Variants in GLG1 observed in about 807,000 individuals in gnomAD.
GLG1 encodes the protein Golgi apparatus protein 1.
GLG1 carries 38 observed loss-of-function variants against 160.5 expected under a neutral mutation model. That is an observed-to-expected ratio of 0.24 (90% confidence interval 0.18 to 0.31). GLG1 has a LOEUF of 0.31. Ranked by LOEUF, GLG1 falls within the 10% of genes least tolerant of loss-of-function variation. The pLI is 1.00. For missense variants in GLG1, 1,373 were observed against 1,505.2 expected (o/e 0.91, Z 1.45); for synonymous variants, 644 against 543.4 (o/e 1.19, Z -2.57).
At chr16:74,499,535 G>A (rs2143434627) in intron 4 of GLG1, among the ~76,000 whole-genome samples, 1 of 152,268 alleles carries the variant, frequency 6.6e-6, no homozygotes, top group East Asian at 1.9e-4. Flanking sequence ...TTGTAGCCTA[G>A]GAGCAATAGG....
intron 25 of GLG1, among the ~76,000 whole-genome samples, chr16:74,456,138 G>A (rs1427946329): frequency 3.3e-5 from 5 of 152,124 alleles, no homozygotes; most frequent in South Asian, 2.1e-4. Flanking sequence ...CATCATAGGC[G>A]AGGCTGGATT....
chr16:74,600,532 G>C lies in GLG1; in HGVS notation c.438+6125C>G, dbSNP rs1298285320. 8.6e-5 allele frequency among the ~76,000 whole-genome samples: 13 copies of C among 152,028 alleles called. No individual in the cohort carries two copies. In the East Asian group the frequency reaches 2.3e-3, roughly 27 times the overall value. On this transcript the variant is annotated intron_variant, in intron 1 of 25. Transcript: ENST00000422840. ...AGATCACTTGAGGTCAGAGGTTCAAGACCAGCCTGGCCAGTGTGGCGAAAC... is the reference window on the plus strand; with the variant it reads ...AGATCACTTGAGGTCAGAGGTTCAACACCAGCCTGGCCAGTGTGGCGAAAC...
chr16:74,477,363 A>G (rs879795939), intron 12 of GLG1, 33 bp downstream of exon 12: 5 of 1,535,538 alleles, frequency 3.3e-6, no homozygotes, highest in Non-Finnish European at 4.5e-6. Context: ...CATCATCATT[A>G]TTGTAAGACA....
chr16:74,456,811 T>G (rs1362966438), intron 24 of GLG1, 56 bp from the exon 25 acceptor site: 1 of 1,094,676 alleles, frequency 9.1e-7, no homozygotes, highest in East Asian at 2.3e-5. Context: ...ATAGAGAAAT[T>G]TCTGTAAAGA....
chr16:74,572,956 G>T (rs1486195086), intron 1 of GLG1, among the ~76,000 whole-genome samples: 7 of 152,252 alleles, frequency 4.6e-5, no homozygotes, highest in African/African-American at 1.7e-4. Context: ...ATAGTGTCAA[G>T]GATTGAGCTG....
Position 74,451,649 on chromosome 16 carries a change from G to A in GLG1, c.*1518C>T. On this transcript the variant is annotated 3_prime_UTR_variant, in exon 26 of 26. Coordinates refer to ENST00000422840, the MANE Select transcript of GLG1 (RefSeq NM_001145667.2). ...ATAATACTTTGTGGACATCTAACAG[G>A]TTAATAAAATATATATTACATAAAT... is the stretch of plus-strand genomic sequence containing the variant. The A allele has an allele frequency of 5.2e-6, 1 of 190,716 alleles. No individual in the cohort carries two copies. Among genetic ancestry groups the A allele is most frequent in the Non-Finnish European group, 1.1e-5 (1 of 90,008 alleles). The allele number at this position is 190,716 out of a possible 1,614,324, so 11.8% of individuals were successfully genotyped here.
chr16:74,606,887 A>T lies in GLG1; in HGVS notation c.208T>A (p.Ser70Thr). 1.2e-6 allele frequency: 2 copies of T among 1,601,552 alleles called. No homozygotes were observed. Among genetic ancestry groups the T allele is most frequent in the Non-Finnish European group, 1.7e-6 (2 of 1,175,162 alleles). The change falls in exon 1 of 26, where the codon TCG becomes ACG. Residue 70 changes from serine (S) to threonine (T), a missense_variant. Coordinates refer to ENST00000422840, the MANE Select transcript of GLG1 (RefSeq NM_001145667.2). ...GQQLPQLPQS[S>T]QLQQQQQQQQ... is the part of the protein sequence containing the mutation. ...TGCTGCTGTTGCTGCTGAAGCTGCGATGACTGAGGCAGCTGGGGCAGCTGC... is the reference window on the plus strand; with the variant it reads ...TGCTGCTGTTGCTGCTGAAGCTGCGTTGACTGAGGCAGCTGGGGCAGCTGC...
intron 4 of GLG1, among the ~76,000 whole-genome samples, chr16:74,501,373 C>T (rs893077357): frequency 2.0e-5 from 3 of 152,316 alleles, no homozygotes; most frequent in Admixed American, 6.5e-5. Flanking sequence ...AACTGGTAGA[C>T]ATACTGAAAG....
In GLG1 at chr16:74,600,750, A is replaced by AAAAAC. The variant is rs1567551068; in HGVS notation, c.438+5902_438+5906dup. 1.6e-4 allele frequency among the ~76,000 whole-genome samples: 22 copies of AAAAAC among 141,702 alleles called. 1 individual carries two copies. Among genetic ancestry groups the AAAAAC allele is most frequent in the African/African-American group, 1.6e-4 (6 of 37,538 alleles). 93.0% of individuals were successfully genotyped at this position (141,702 alleles called of 152,430 possible). A position where few individuals can be genotyped will look rare whatever the true frequency, so the allele number is the denominator to read the frequency against. ...CCACCTCAAAAAAAAAAAAAAAAAA[A>AAAAAC]AAAACAAAAAAAAACAGTGACAGAA... is the stretch of plus-strand genomic sequence containing the variant. On this transcript the variant is annotated intron_variant, in intron 1 of 25. Coordinates refer to ENST00000422840, the MANE Select transcript of GLG1 (RefSeq NM_001145667.2).
At chr16:74,514,706 T>C (rs906280491) in intron 2 of GLG1, among the ~76,000 whole-genome samples, 10 of 152,122 alleles carry the variant, frequency 6.6e-5, no homozygotes, top group African/African-American at 9.7e-5. Flanking sequence ...GTAAAGACCA[T>C]TGACACTATG....
chr16:74,602,009 T>C (rs1008901656), intron 1 of GLG1, among the ~76,000 whole-genome samples: 14 of 152,120 alleles, frequency 9.2e-5, no homozygotes, highest in African/African-American at 3.4e-4. Context: ...CTCATTATCA[T>C]TATCATTGAT....
At chr16:74,486,246 G>C (rs535962886) in intron 8 of GLG1, among the ~76,000 whole-genome samples, 1 of 152,236 alleles carries the variant, frequency 6.6e-6, no homozygotes, top group East Asian at 1.9e-4. Context: ...ACTAAACCTG[G>C]TGCTCCCGGC....
chr16:74,534,768 G>A (rs2017641644), intron 1 of GLG1, among the ~76,000 whole-genome samples: 3 of 152,060 alleles, frequency 2.0e-5, no homozygotes, highest in Admixed American at 6.6e-5. Context: ...CTGACGTTGA[G>A]CAAATCAAGA....
intron 2 of GLG1, among the ~76,000 whole-genome samples, chr16:74,517,535 C>T (rs1194561417): frequency 6.6e-6 from 1 of 152,208 alleles, no homozygotes; most frequent in Non-Finnish European, 1.5e-5. Context: ...AACTCGGTAT[C>T]GATGGAACAT....
intron 1 of GLG1, among the ~76,000 whole-genome samples, chr16:74,577,116 G>T (rs570809177): frequency 1.3e-5 from 2 of 152,174 alleles, no homozygotes; most frequent in South Asian, 4.2e-4. Flanking sequence ...GTAGAAACAG[G>T]AGTCTCTCCA....
chr16:74,478,018 T>C (rs1165179397), intron 11 of GLG1, among the ~76,000 whole-genome samples: 1 of 56,816 alleles, frequency 1.8e-5, no homozygotes, highest in African/African-American at 6.1e-5. Flanking sequence ...ATAAATAAAA[T>C]GTGCAAGAGG....
chr16:74,588,544 CAAG>C (rs1189627052), intron 1 of GLG1, among the ~76,000 whole-genome samples: 2 of 152,048 alleles, frequency 1.3e-5, no homozygotes, highest in African/African-American at 4.8e-5. Flanking sequence ...CTCAGCCTCA[CAAG>C]TAGCCAGGAC....
intron 6 of GLG1, 27 bp downstream of exon 6, chr16:74,494,733 A>G: frequency 9.8e-7 from 1 of 1,021,392 alleles, no homozygotes; most frequent in Non-Finnish European, 1.6e-6. Context: ...CAAATAAAAC[A>G]TTCATTAGTT....
chr16:74,481,937 C>T (rs927069712), intron 10 of GLG1, among the ~76,000 whole-genome samples: 2 of 152,128 alleles, frequency 1.3e-5, no homozygotes, highest in African/African-American at 4.8e-5. Context: ...AGGCATGCAC[C>T]ACCTACGCCC....
Sources: allele counts gnomAD v4.1 joint callset (sites outside exome capture counted in the v4.1 genomes callset), GRCh38; gene constraint gnomAD v4.1.1; transcripts MANE v1.5; gene names NCBI Gene and HGNC (gene_info 2026-07-23, HGNC 2026-07-21).